The following MAGI2 variants were observed in gnomAD, a reference collection of about 807,000 sequenced individuals.
MAGI2 encodes membrane associated guanylate kinase, WW and PDZ domain containing 2, also known as membrane-associated guanylate kinase, WW and PDZ domain-containing protein 2.
A neutral mutation model predicts 133.3 loss-of-function variants in MAGI2; 35 were observed. That is an observed-to-expected ratio of 0.26 (90% confidence interval 0.20 to 0.35). The LOEUF (loss-of-function observed/expected upper bound fraction) is 0.35, where lower values mean the gene tolerates loss of function less well. Ranked by LOEUF, MAGI2 falls within the 10% of genes least tolerant of loss-of-function variation. The pLI is 1.00. For synonymous variants in MAGI2, 729 were observed against 710.6 expected (o/e 1.03, Z -0.41); for missense variants, 1,636 against 1,863.4 (o/e 0.88, Z 2.25).
chr7:79,213,009 G>A (rs905043892), intron 1 of MAGI2, among the ~76,000 whole-genome samples: 1 of 151,922 alleles, frequency 6.6e-6, no homozygotes, highest in African/African-American at 2.4e-5. Flanking sequence ...ACACTATTGT[G>A]AGGATTCTGT....
intron 9 of MAGI2, among the ~76,000 whole-genome samples, chr7:78,289,351 T>C (rs968252265): frequency 1.3e-5 from 2 of 152,094 alleles, no homozygotes; most frequent in East Asian, 3.9e-4. Context: ...GGAAGAAAGG[T>C]ATCAGTGATT....
intron 3 of MAGI2, among the ~76,000 whole-genome samples, chr7:78,611,390 C>T (rs1276664298): frequency 2.6e-5 from 4 of 152,166 alleles, no homozygotes; most frequent in African/African-American, 7.2e-5. Context: ...ACATAGAGCC[C>T]TCTTAGTAAA....
chr7:78,185,664 A>T lies in MAGI2; in HGVS notation c.2276T>A (p.Val759Glu). The change falls in exon 13 of 22, where the codon GTG (valine) becomes GAG (glutamate). Residue 759 changes from valine (V) to glutamate (E), a missense_variant. Val to Glu is a moderately radical substitution (Grantham distance 121). Coordinates refer to ENST00000354212, the MANE Select transcript of MAGI2 (RefSeq NM_012301.4). ...CATTCGAAAACTGGTCCTGGGTGGC[A>T]CTTGTTCTGGATGGGAAAATGGGGA... is the stretch of plus-strand genomic sequence containing the variant. ...SRAIYESRQQ[V>E]PPRTSFRMDS... 3 of 1,583,222 alleles carry T rather than the reference A, an allele frequency of 1.9e-6. No individual in the cohort carries two copies. The highest frequency in any genetic ancestry group is 1.7e-6 in the Non-Finnish European group (2 of 1,159,050).
intron 6 of MAGI2, among the ~76,000 whole-genome samples, chr7:78,423,798 T>C (rs2151413866): frequency 1.3e-5 from 2 of 152,086 alleles, no homozygotes; most frequent in Middle Eastern, 6.8e-3. Flanking sequence ...AGCCTTGAAG[T>C]TGAGAGAGAT....
chr7:78,591,665 T>G (rs1228112574), intron 3 of MAGI2, among the ~76,000 whole-genome samples: 2 of 152,188 alleles, frequency 1.3e-5, no homozygotes, highest in Non-Finnish European at 1.5e-5. Context: ...ATGGAAGCAT[T>G]TGGGACTTGA....
chr7:78,983,241 T>C (rs1292775475), intron 2 of MAGI2, among the ~76,000 whole-genome samples: 1 of 151,920 alleles, frequency 6.6e-6, no homozygotes, highest in Non-Finnish European at 1.5e-5. Context: ...AGGGAATAAG[T>C]TCAGTACAAA....
intron 1 of MAGI2, among the ~76,000 whole-genome samples, chr7:79,443,216 G>A (rs1848606561): frequency 6.6e-6 from 1 of 151,936 alleles, no homozygotes; most frequent in African/African-American, 2.4e-5. Flanking sequence ...AGGTCTCTGT[G>A]AGCAGAGATG....
Position 79,359,707 on chromosome 7 carries a change from CACACACAG to C in MAGI2, c.301+93305_301+93312del, listed in dbSNP as rs1247316681. Among the ~76,000 whole-genome samples, 223 of 138,122 alleles carry C rather than the reference CACACACAG, an allele frequency of 1.6e-3. 1 individual carries two copies. The highest frequency in any genetic ancestry group is 5.8e-3 in the African/African-American group (207 of 35,898). 90.6% of individuals were successfully genotyped at this position (138,122 alleles called of 152,430 possible). A position where few individuals can be genotyped will look rare whatever the true frequency, so the allele number is the denominator to read the frequency against. On this transcript the variant is annotated intron_variant, in intron 1 of 21. Coordinates refer to ENST00000354212, the MANE Select transcript of MAGI2 (RefSeq NM_012301.4). ...ACACACACACACACACACACACACACACACACAGAAAACAAAAAAACTACCAACCACAA... is the reference window on the plus strand; with the variant it reads ...ACACACACACACACACACACACACACAAAACAAAAAAACTACCAACCACAA...
chr7:78,834,403 C>G (rs1791440891), intron 2 of MAGI2, among the ~76,000 whole-genome samples: 1 of 152,164 alleles, frequency 6.6e-6, no homozygotes, highest in African/African-American at 2.4e-5. Flanking sequence ...CACTTTCTGC[C>G]TCTATAGAGC....
intron 10 of MAGI2, among the ~76,000 whole-genome samples, chr7:78,206,331 G>A (rs189013501): frequency 0.011 from 1,386 of 127,988 alleles, 20 homozygotes; most frequent in African/African-American, 0.038. Flanking sequence ...TTGCTCTGTT[G>A]CCTAGGCTGG....
At chr7:78,540,566 T>C (rs1479276917) in intron 3 of MAGI2, among the ~76,000 whole-genome samples, 1 of 152,136 alleles carries the variant, frequency 6.6e-6, no homozygotes, top group Non-Finnish European at 1.5e-5. Flanking sequence ...CCATGACTTA[T>C]GTGCTCATAT....
At chr7:79,396,699 C>T (rs1845082075) in intron 1 of MAGI2, among the ~76,000 whole-genome samples, 1 of 152,058 alleles carries the variant, frequency 6.6e-6, no homozygotes, top group African/African-American at 2.4e-5. Context: ...AAACTAAACT[C>T]TCTGACACTC....
chr7:79,010,262 ATATG>A (rs574717986), intron 1 of MAGI2, among the ~76,000 whole-genome samples: 80 of 151,894 alleles, frequency 5.3e-4, no homozygotes, highest in African/African-American at 8.2e-4. Context: ...ATACATGTGT[ATATG>A]TATGTATGTA....
At chr7:78,857,766 A>C (rs879461617) in intron 2 of MAGI2, among the ~76,000 whole-genome samples, 11 of 152,226 alleles carry the variant, frequency 7.2e-5, no homozygotes, top group African/African-American at 2.7e-4. Flanking sequence ...TGTTGGCCTC[A>C]TAAAATGAGT....
intron 10 of MAGI2, among the ~76,000 whole-genome samples, chr7:78,228,184 C>T (rs1401502494): frequency 6.6e-6 from 1 of 152,138 alleles, no homozygotes. Context: ...AATGTAAAAA[C>T]CATCCTTAGC....
chr7:78,140,984 C>G (rs985501499), intron 16 of MAGI2, among the ~76,000 whole-genome samples: 1 of 152,058 alleles, frequency 6.6e-6, no homozygotes, highest in Non-Finnish European at 1.5e-5. Flanking sequence ...AATCCTGAGT[C>G]CAGGTGTAGA....
At chr7:78,958,984 G>A (rs1802629204) in intron 2 of MAGI2, among the ~76,000 whole-genome samples, 3 of 152,044 alleles carry the variant, frequency 2.0e-5, no homozygotes, top group Non-Finnish European at 4.4e-5. Flanking sequence ...TCTCATACAC[G>A]GTGGGGTGCC....
chr7:79,390,094 T>C (rs907657265), intron 1 of MAGI2, among the ~76,000 whole-genome samples: 3 of 152,184 alleles, frequency 2.0e-5, no homozygotes, highest in African/African-American at 7.2e-5. Context: ...TAGATGTGTG[T>C]TCAGAGAAGA....
intron 18 of MAGI2, among the ~76,000 whole-genome samples, chr7:78,131,685 C>A (rs532160407): frequency 2.6e-5 from 4 of 152,286 alleles, no homozygotes; most frequent in Admixed American, 6.5e-5. Flanking sequence ...CTGAACCCAA[C>A]CCAGGCTCCC....
Sources: allele counts gnomAD v4.1 joint callset (sites outside exome capture counted in the v4.1 genomes callset), GRCh38; gene constraint gnomAD v4.1.1; transcripts MANE v1.5; gene names NCBI Gene and HGNC (gene_info 2026-07-23, HGNC 2026-07-21).